The following EFCAB5 variants were observed in gnomAD, a reference collection of about 807,000 sequenced individuals.
The protein encoded by EFCAB5 is EF-hand calcium binding domain 5.
In EFCAB5, 131 loss-of-function variants were observed where a neutral mutation model predicts 167.9. The ratio of observed to expected loss-of-function variants is 0.78; its 90% CI spans 0.68 to 0.90. The LOEUF (loss-of-function observed/expected upper bound fraction) is 0.90. Ranked by LOEUF, EFCAB5 falls within the 40% of genes least tolerant of loss-of-function variation. EFCAB5 has a pLI of 0.00. For synonymous variants in EFCAB5, 574 were observed against 602.8 expected (o/e 0.95, Z 0.70); for missense variants, 1,663 against 1,745.2 (o/e 0.95, Z 0.84).
intron 4 of EFCAB5, among the ~76,000 whole-genome samples, chr17:29,978,432 G>A (rs2068104179): frequency 6.6e-6 from 1 of 152,284 alleles, no homozygotes; most frequent in Non-Finnish European, 1.5e-5. Context: ...CTAGTTTCAT[G>A]TCCATCTCTA....
At chr17:30,009,664 T>C (rs2068849660) in intron 7 of EFCAB5, among the ~76,000 whole-genome samples, 1 of 152,210 alleles carries the variant, frequency 6.6e-6, no homozygotes, top group Non-Finnish European at 1.5e-5. Flanking sequence ...TGTTTTCATT[T>C]TTTGGCTACT....
intron 7 of EFCAB5, among the ~76,000 whole-genome samples, chr17:30,014,603 T>A (rs1402805096): frequency 1.3e-5 from 2 of 152,206 alleles, no homozygotes; most frequent in African/African-American, 4.8e-5. Context: ...GTCTGTTTTA[T>A]CAGAAAGTAG....
Position 29,975,817 on chromosome 17 carries a change from C to T in EFCAB5, c.767+6450C>T, listed in dbSNP as rs533190564. On this transcript the variant is annotated intron_variant, in intron 4 of 22. Coordinates refer to ENST00000394835, the MANE Select transcript of EFCAB5 (RefSeq NM_198529.4). ...CACCTGGGGTGCTTGGTTAAAAGTG[C>T]AGATTCCTAGATCCTTCCTCAGATC... Among the ~76,000 whole-genome samples, 5 of 152,272 alleles carry T rather than the reference C, an allele frequency of 3.3e-5. No individual in the cohort carries two copies. In the East Asian group the frequency reaches 9.6e-4, roughly 29 times the overall value.
intron 3 of EFCAB5, among the ~76,000 whole-genome samples, chr17:29,952,583 A>G (rs1480710519): frequency 6.6e-6 from 1 of 152,228 alleles, no homozygotes. Context: ...AAAATGAATG[A>G]ACTAGACCTA....
chr17:30,054,197 G>A, intron 10 of EFCAB5, 49 bp downstream of exon 10: 1 of 1,462,226 alleles, frequency 6.8e-7, no homozygotes, highest in Non-Finnish European at 9.0e-7. Context: ...TTGTGGAATG[G>A]TTTTTAAAGT....
intron 4 of EFCAB5, among the ~76,000 whole-genome samples, chr17:29,973,518 C>T (rs573325786): frequency 3.7e-5 from 5 of 134,298 alleles, no homozygotes; most frequent in African/African-American, 8.5e-5. Context: ...CTTGCTCTGT[C>T]ACCCAGGCCG....
chr17:30,016,485 CAAAT>C (rs2069045087), intron 7 of EFCAB5, among the ~76,000 whole-genome samples: 1 of 151,970 alleles, frequency 6.6e-6, no homozygotes, highest in South Asian at 2.1e-4. Flanking sequence ...AGGTAAGAAA[CAAAT>C]AAGAATATAA....
chr17:29,948,994 G>T (rs1347362992), intron 3 of EFCAB5, among the ~76,000 whole-genome samples: 3 of 152,080 alleles, frequency 2.0e-5, no homozygotes, highest in Non-Finnish European at 4.4e-5. Context: ...GGACAAAGCC[G>T]CTGAGTTTCA....
At chr17:30,097,119 C>T (rs926324869) in intron 22 of EFCAB5, among the ~76,000 whole-genome samples, 1 of 150,250 alleles carries the variant, frequency 6.7e-6, no homozygotes, top group Non-Finnish European at 1.5e-5. Flanking sequence ...TGCAGTGGCG[C>T]GATCTCGGCT....
At chr17:30,021,837 G>A (rs1306893190) in intron 7 of EFCAB5, among the ~76,000 whole-genome samples, 1 of 152,132 alleles carries the variant, frequency 6.6e-6, no homozygotes. Flanking sequence ...TAACGAAACT[G>A]GAAGATAATG....
chr17:29,970,718 G>C (rs1309897967), intron 4 of EFCAB5, among the ~76,000 whole-genome samples: 1 of 148,350 alleles, frequency 6.7e-6, no homozygotes, highest in Admixed American at 6.7e-5. Context: ...CTGTAATAAT[G>C]ATGAGTGTTT....
At chr17:29,948,151 T>C (rs759815148) in intron 3 of EFCAB5, among the ~76,000 whole-genome samples, 4 of 152,216 alleles carry the variant, frequency 2.6e-5, no homozygotes, top group Non-Finnish European at 5.9e-5. Flanking sequence ...ATTTTAAAAA[T>C]GCCAAACAGA....
intron 17 of EFCAB5, among the ~76,000 whole-genome samples, chr17:30,082,453 C>T (rs1235551333): frequency 1.1e-4 from 14 of 127,198 alleles, no homozygotes; most frequent in Admixed American, 6.1e-4. Flanking sequence ...TGCAGTGTTG[C>T]GATCTCAGCT....
intron 7 of EFCAB5, among the ~76,000 whole-genome samples, chr17:30,030,538 T>G (rs1211332309): frequency 3.3e-5 from 5 of 152,226 alleles, no homozygotes; most frequent in Non-Finnish European, 7.4e-5. Flanking sequence ...AGATGAGGTT[T>G]CACCATGTTG....
chr17:29,993,099 GTGTTCCAATCTGGACC>G, intron 4 of EFCAB5, 50 bp from the exon 5 acceptor site: 1 of 1,404,922 alleles, frequency 7.1e-7, no homozygotes, highest in Non-Finnish European at 9.4e-7. Flanking sequence ...CTGAATTCCT[GTGTTCCAATCTGGACC>G]AAATCCAAGG....
At chr17:30,085,397 C>G (rs1396434770) in intron 18 of EFCAB5, among the ~76,000 whole-genome samples, 2 of 152,198 alleles carry the variant, frequency 1.3e-5, no homozygotes, top group Non-Finnish European at 2.9e-5. Flanking sequence ...ATAATGCCTT[C>G]CCATAAGATG....
At chr17:30,062,627 C>T (rs1216013562) in intron 14 of EFCAB5, among the ~76,000 whole-genome samples, 2 of 152,288 alleles carry the variant, frequency 1.3e-5, no homozygotes, top group East Asian at 1.9e-4. Flanking sequence ...ATTGGAACTA[C>T]GGCTGGAGTG....
intron 1 of EFCAB5, among the ~76,000 whole-genome samples, chr17:29,930,592 T>C (rs1202007556): frequency 9.6e-5 from 12 of 125,296 alleles, no homozygotes; most frequent in Non-Finnish European, 2.2e-4. Context: ...ACGTTTTCTA[T>C]TGGGAAAGGG....
intron 3 of EFCAB5, among the ~76,000 whole-genome samples, chr17:29,967,549 T>A (rs1326465893): frequency 6.6e-6 from 1 of 152,230 alleles, no homozygotes; most frequent in East Asian, 1.9e-4. Flanking sequence ...CCGTATCTTT[T>A]TAGTCCTATA....
Sources: allele counts gnomAD v4.1 joint callset (sites outside exome capture counted in the v4.1 genomes callset), GRCh38; gene constraint gnomAD v4.1.1; transcripts MANE v1.5; gene names NCBI Gene and HGNC (gene_info 2026-07-23, HGNC 2026-07-21).